OTUD4: variants seen among roughly 807,000 people sequenced by gnomAD.
OTUD4 encodes OTU domain-containing protein 4.
Under a neutral mutation model 130.4 loss-of-function variants are expected in OTUD4, and 24 were observed. That is an observed-to-expected ratio of 0.18 (90% CI 0.13 to 0.26). The LOEUF (loss-of-function observed/expected upper bound fraction) is 0.26, where lower values mean the gene tolerates loss of function less well. OTUD4 is among the 10% of genes least tolerant of loss of function. The probability of loss-of-function intolerance (pLI) is 1.00; values close to 1 mark genes in which losing one functional copy is unlikely to be tolerated. For missense variants in OTUD4, 1,031 were observed against 1,329.4 expected, an observed-to-expected ratio of 0.78 and a Z score of 3.49; for synonymous variants, 420 against 472.5, an observed-to-expected ratio of 0.89 and a Z score of 1.44.
rs768707917 is a variant in OTUD4 at position 145,171,673 on chromosome 4, T to C, written c.291A>G (p.Pro97=). Residue 97 remains proline (P), a synonymous_variant, in exon 3 of 21, where the codon CCA becomes CCG. Transcript: ENST00000447906. ...ATACTAGAAGACTGTGACATACCTGTGGATTTTCCAAACGCTTTAAATATT... is the reference window on the plus strand; with the variant it reads ...ATACTAGAAGACTGTGACATACCTGCGGATTTTCCAAACGCTTTAAATATT... The part of the protein sequence containing the change: ...FEEYLKRLEN[P]QEWVGQVEIS... 1 of 1,307,474 alleles carries C rather than the reference T, an allele frequency of 7.6e-7. No individual in the cohort carries two copies. Among genetic ancestry groups the C allele is most frequent in the Non-Finnish European group, 1.1e-6 (1 of 903,666 alleles). 81.0% of individuals were successfully genotyped at this position (1,307,474 alleles called of 1,614,324 possible).
intron 2 of OTUD4, among the ~76,000 whole-genome samples, chr4:145,173,352 C>A (rs555285976): frequency 1.3e-5 from 2 of 152,042 alleles, no homozygotes; most frequent in Admixed American, 1.3e-4. Context: ...CAAGATGGCG[C>A]CACTGCACTC....
Position 145,143,393 on chromosome 4 carries a change from T to A in OTUD4, c.1655A>T (p.Lys552Met). ...TTCCGCAGGAGAAGGGCACTCTAACTTCTTTGACTTTGATGGTGATGAAAC... is the reference window on the plus strand; with the variant it reads ...TTCCGCAGGAGAAGGGCACTCTAACATCTTTGACTTTGATGGTGATGAAAC... ...ATVSSPSKSK[K>M]LECPSPAEQK... Residue 552 changes from lysine (K) to methionine (M), a missense_variant, in exon 17 of 21, where the codon AAG becomes ATG. By Grantham distance (95) the Lys-to-Met change is moderately conservative. This residue lies in a region of OTUD4 where 900 missense variants were observed against 1,095.9 expected (regional missense o/e 0.82). Coordinates refer to ENST00000447906, the MANE Select transcript of OTUD4 (RefSeq NM_001366057.1). 1.9e-6 allele frequency: 3 copies of A among 1,610,816 alleles called. No individual in the cohort carries two copies. Among genetic ancestry groups the A allele is most frequent in the Non-Finnish European group, 2.5e-6 (3 of 1,177,272 alleles).
intron 19 of OTUD4, among the ~76,000 whole-genome samples, chr4:145,140,306 G>T (rs889982106): frequency 6.6e-6 from 1 of 152,064 alleles, no homozygotes; most frequent in Non-Finnish European, 1.5e-5. Context: ...CAACTTTTCT[G>T]GGGGTTTAAA....
chr4:145,137,412 A>G lies in OTUD4; in HGVS notation c.*18T>C. On this transcript the variant is annotated 3_prime_UTR_variant, in exon 21 of 21. Coordinates refer to ENST00000447906, the MANE Select transcript of OTUD4 (RefSeq NM_001366057.1). The stretch of plus-strand genomic sequence containing the variant: ...TCCACCTAAGAGTTTCTGTTAGAAA[A>G]TACTTCGGCAACAACCATCAAGTGT... The G allele has an allele frequency of 6.4e-7, 1 of 1,570,592 alleles. No homozygotes were observed. Among genetic ancestry groups the G allele is most frequent in the Admixed American group, 1.8e-5 (1 of 54,120 alleles).
At position 145,179,827 on chromosome 4, in the gene OTUD4, G is replaced by A. The variant is rs1381627196; in HGVS notation, c.147C>T (p.Ala49=). 7.9e-6 allele frequency: 7 copies of A among 880,958 alleles called. No individual in the cohort carries two copies. The Admixed American group carries it at 1.2e-4, about 15-fold the overall frequency. The allele number at this position is 880,958 out of a possible 1,614,324, so 54.6% of individuals were successfully genotyped here. Reference sequence around the variant, plus strand: ...CCCCCGCAATTACCTGCTCCGCCACGGCCCGGAACAGGCACGACCCGTCCT... The same window carrying A: ...CCCCCGCAATTACCTGCTCCGCCACAGCCCGGAACAGGCACGACCCGTCCT... ...VAKDGSCLFR[A]VAEQVLHSQS... The change falls in exon 1 of 21, where the codon GCC becomes GCT. Residue 49 remains alanine (A), a synonymous_variant. Coordinates refer to ENST00000447906, the MANE Select transcript of OTUD4 (RefSeq NM_001366057.1).
rs375990904 is a variant in OTUD4 at position 145,143,398 on chromosome 4, T to C, written c.1650A>G (p.Ser550=). The change falls in exon 17 of 21, where the codon TCA becomes TCG. Residue 550 remains serine (S), a synonymous_variant. Coordinates refer to ENST00000447906, the MANE Select transcript of OTUD4 (RefSeq NM_001366057.1). ...CAGGAGAAGGGCACTCTAACTTCTT[T>C]GACTTTGATGGTGATGAAACTGTTG... ...KYATVSSPSK[S]KKLECPSPAE... 5 of 1,611,408 alleles carry C rather than the reference T, an allele frequency of 3.1e-6. No individual in the cohort carries two copies. Among genetic ancestry groups the C allele is most frequent in the Non-Finnish European group, 4.2e-6 (5 of 1,177,818 alleles).
Position 145,164,135 on chromosome 4 carries a change from C to T in OTUD4, c.414+19G>A. ...GTTCTTTTACTTAAATACTTTAGAA[C>T]ACTTTGAAAAATTCTTACCTTTTCA... On this transcript the variant is annotated intron_variant, in intron 5 of 20. Transcript: ENST00000447906. The T allele has an allele frequency of 8.4e-7, 1 of 1,187,586 alleles. No individual in the cohort carries two copies. The highest frequency in any genetic ancestry group is 1.3e-5 in the South Asian group (1 of 74,426). 73.6% of individuals were successfully genotyped at this position (1,187,586 alleles called of 1,614,324 possible).
chr4:145,135,628 C>T lies in OTUD4; in HGVS notation c.*1802G>A, dbSNP rs1750203947. On this transcript the variant is annotated 3_prime_UTR_variant, in exon 21 of 21. Transcript: ENST00000447906. ...ACAACTATTCTAGTTAAGAAGGTGA[C>T]AACAAATTCCTTTCAATAGGTTCTC... The T allele has an allele frequency of 6.6e-6, 1 of 152,588 alleles. No homozygotes were observed. The highest frequency in any genetic ancestry group is 6.5e-5 in the Admixed American group (1 of 15,272). The allele number at this position is 152,588 out of a possible 1,614,324, so 9.5% of individuals were successfully genotyped here.
At chr4:145,159,437 G>A (rs992357642) in intron 7 of OTUD4, 66 bp downstream of exon 7, 1 of 1,604,048 alleles carries the variant, frequency 6.2e-7, no homozygotes, top group Non-Finnish European at 8.5e-7. Flanking sequence ...TTACTGAAAT[G>A]TAAAGACATT....
At chr4:145,155,339 G>T in intron 10 of OTUD4, 72 bp downstream of exon 10, 2 of 1,186,250 alleles carry the variant, frequency 1.7e-6, no homozygotes, top group Non-Finnish European at 2.5e-6. Flanking sequence ...CACCTCAGCT[G>T]TTTTCTCTGT....
chr4:145,142,097 A>C (rs1750593111), intron 18 of OTUD4, 99 bp downstream of exon 18: 1 of 1,029,258 alleles, frequency 9.7e-7, no homozygotes, highest in Non-Finnish European at 1.5e-6. Flanking sequence ...GGCTCCACAC[A>C]CCTAATCCTG....
rs1200704463 is a variant in OTUD4, at chr4:145,133,947, C to CTCAG, written c.*3479_*3482dup. 6.6e-6 allele frequency: 1 copy of CTCAG among 152,554 alleles called. No individual in the cohort carries two copies. Among genetic ancestry groups the CTCAG allele is most frequent in the Non-Finnish European group, 1.5e-5 (1 of 68,038 alleles). The allele number at this position is 152,554 out of a possible 1,614,324, so 9.5% of individuals were successfully genotyped here. On this transcript the variant is annotated 3_prime_UTR_variant, in exon 21 of 21. Transcript: ENST00000447906. ...ACATGCTCTTAAAGTATTATTTGTA[C>CTCAG]TCAGTGTAAGGCTATTATCGTTTTT...
chr4:145,162,570 A>G (rs1372950372), intron 6 of OTUD4, 70 bp downstream of exon 6: 2 of 850,588 alleles, frequency 2.4e-6, no homozygotes, highest in African/African-American at 3.6e-5. Context: ...ACAAAAAACA[A>G]AACAAAAAAC....
intron 6 of OTUD4, among the ~76,000 whole-genome samples, 176 bp downstream of exon 6, chr4:145,162,464 G>A (rs1263522583): frequency 6.6e-6 from 1 of 152,002 alleles, no homozygotes; most frequent in Admixed American, 6.6e-5. Context: ...TGAGGCAGGA[G>A]TGGCATGAAC....
In OTUD4 at chr4:145,162,736, TAAAAG is replaced by T; in HGVS notation, c.415-20_415-16del. On this transcript the variant is annotated splice_polypyrimidine_tract_variant and intron_variant, in intron 5 of 20. Coordinates refer to ENST00000447906, the MANE Select transcript of OTUD4 (RefSeq NM_001366057.1). ...CACAGTAACACCTGAAAGGGAAAAA[TAAAAG>T]AAACATTTCAGCCCCTCATACATAT... 7 of 1,376,728 alleles carry T rather than the reference TAAAAG, an allele frequency of 5.1e-6. No homozygotes were observed. Among genetic ancestry groups the T allele is most frequent in the Non-Finnish European group, 7.1e-6 (7 of 983,828 alleles). 85.3% of individuals were successfully genotyped at this position (1,376,728 alleles called of 1,614,324 possible).
intron 14 of OTUD4, among the ~76,000 whole-genome samples, chr4:145,144,883 C>T (rs1399264287): frequency 6.6e-6 from 1 of 152,142 alleles, no homozygotes; most frequent in Non-Finnish European, 1.5e-5. Flanking sequence ...TGCTTACTGT[C>T]AGCAAATCAC....
rs1750265106 is a variant in OTUD4 at position 145,136,463 on chromosome 4, C to CGGT, written c.*966_*967insACC. ...TGAAAGTGATACACAACCAATGGTG[C>CGGT]GGGGGGGGGGGGGAGGAAGAAAACA... On this transcript the variant is annotated 3_prime_UTR_variant, in exon 21 of 21. Coordinates refer to ENST00000447906, the MANE Select transcript of OTUD4 (RefSeq NM_001366057.1). 1 of 4,286 alleles carries CGGT rather than the reference C, an allele frequency of 2.3e-4. No individual in the cohort carries two copies. The highest frequency in any genetic ancestry group is 9.3e-4 in the Non-Finnish European group (1 of 1,080). The allele number at this position is 4,286 out of a possible 1,614,324, so 0.3% of individuals were successfully genotyped here.
At chr4:145,165,308 T>C (rs1751793299) in intron 3 of OTUD4, 111 bp from the exon 4 acceptor site, 1 of 616,312 alleles carries the variant, frequency 1.6e-6, no homozygotes, top group Non-Finnish European at 2.9e-6. Context: ...TTAAAGCTCA[T>C]TATTATTAGT....
chr4:145,160,165 G>A (rs1198387711), intron 6 of OTUD4, among the ~76,000 whole-genome samples: 1 of 152,230 alleles, frequency 6.6e-6, no homozygotes, highest in Non-Finnish European at 1.5e-5. Flanking sequence ...CATACTAGCT[G>A]ACAAGTCAGA....
Sources: allele counts gnomAD v4.1 joint callset (sites outside exome capture counted in the v4.1 genomes callset), GRCh38; gene constraint gnomAD v4.1.1; regional missense constraint gnomAD v4.1.1; transcripts MANE v1.5; gene names NCBI Gene and HGNC (gene_info 2026-07-23, HGNC 2026-07-21).